Variants in CA10 observed in about 807,000 individuals in gnomAD.
The protein encoded by CA10 is carbonic anhydrase-related protein 10.
In CA10, 14 loss-of-function variants were observed where a neutral mutation model predicts 44.2. The observed-to-expected ratio is 0.32, with a 90% CI of 0.21 to 0.50. The LOEUF (loss-of-function observed/expected upper bound fraction) is 0.50, where lower values mean the gene tolerates loss of function less well. CA10 is among the 20% of genes least tolerant of loss of function. The pLI, the probability that CA10 is intolerant of heterozygous loss-of-function variation, is 0.99. For synonymous variants in CA10, 159 were observed against 141.6 expected (o/e 1.12, Z -0.87); for missense variants, 350 against 409.7 (o/e 0.85, Z 1.26).
intron 3 of CA10, among the ~76,000 whole-genome samples, chr17:51,858,750 C>T (rs541831745): frequency 6.6e-6 from 1 of 152,304 alleles, no homozygotes; most frequent in East Asian, 1.9e-4. Flanking sequence ...TTGTGCAAAC[C>T]TACTGAGAGA....
chr17:51,673,441 C>A (rs1249081874), intron 4 of CA10, among the ~76,000 whole-genome samples: 8 of 152,162 alleles, frequency 5.3e-5, no homozygotes, highest in African/African-American at 1.4e-4. Flanking sequence ...TTCCTTCATC[C>A]CCTCTAACAT....
At chr17:51,750,737 G>A (rs1804239058) in intron 3 of CA10, among the ~76,000 whole-genome samples, 1 of 152,180 alleles carries the variant, frequency 6.6e-6, no homozygotes, top group South Asian at 2.1e-4. Flanking sequence ...ATTCAATCTA[G>A]TGACATTCTG....
At chr17:51,979,502 C>T (rs1291601930) in intron 2 of CA10, among the ~76,000 whole-genome samples, 1 of 152,008 alleles carries the variant, frequency 6.6e-6, no homozygotes, top group Admixed American at 6.6e-5. Context: ...TCAAATAGAC[C>T]CCAGTGCCTG....
chr17:51,814,997 C>T lies in CA10; in HGVS notation c.280-67179G>A, dbSNP rs1371597143. The stretch of plus-strand genomic sequence containing the variant: ...AAAGGTGTAGTGAAATTTCTGGTGT[C>T]TTGTTGGCTTTTCTTTCTGAGTTGC... On this transcript the variant is annotated intron_variant, in intron 3 of 8. Coordinates refer to ENST00000451037, the MANE Select transcript of CA10 (RefSeq NM_020178.5). Among the ~76,000 whole-genome samples the T allele has an allele frequency of 2.0e-5, 3 of 152,264 alleles. No homozygotes were observed. The East Asian group carries it at 5.8e-4, about 29-fold the overall frequency.
intron 3 of CA10, among the ~76,000 whole-genome samples, chr17:51,926,657 TCC>T (rs1044540006): frequency 6.6e-6 from 1 of 152,316 alleles, no homozygotes; most frequent in African/African-American, 2.4e-5. Context: ...CCTGTGTCAC[TCC>T]GACCTCTGCT....
chr17:51,810,253 T>C (rs1907307018), intron 3 of CA10, among the ~76,000 whole-genome samples: 1 of 152,248 alleles, frequency 6.6e-6, no homozygotes, highest in Non-Finnish European at 1.5e-5. Context: ...AGGAACCATG[T>C]CTGTCTGATT....
At chr17:51,903,881 T>A (rs571170710) in intron 3 of CA10, among the ~76,000 whole-genome samples, 1 of 152,236 alleles carries the variant, frequency 6.6e-6, no homozygotes, top group African/African-American at 2.4e-5. Flanking sequence ...CTTTCTTGGA[T>A]AATCAGAAAT....
At chr17:51,873,997 A>G (rs1245446720) in intron 3 of CA10, among the ~76,000 whole-genome samples, 1 of 152,206 alleles carries the variant, frequency 6.6e-6, no homozygotes, top group Non-Finnish European at 1.5e-5. Flanking sequence ...TTCTTAATAA[A>G]TCTGAGTTCC....
intron 4 of CA10, among the ~76,000 whole-genome samples, chr17:51,725,024 A>G (rs948980498): frequency 1.3e-5 from 2 of 152,226 alleles, no homozygotes; most frequent in African/African-American, 4.8e-5. Flanking sequence ...ATGAGCCAGC[A>G]AAAAAGGAAT....
At chr17:51,728,159 G>C (rs1916591987) in intron 4 of CA10, among the ~76,000 whole-genome samples, 1 of 151,862 alleles carries the variant, frequency 6.6e-6, no homozygotes, top group Non-Finnish European at 1.5e-5. Context: ...AAAATTTCTG[G>C]GATTATAGGT....
chr17:52,118,353 ATG>A (rs1988942422), intron 1 of CA10, among the ~76,000 whole-genome samples: 1 of 152,200 alleles, frequency 6.6e-6, no homozygotes, highest in Admixed American at 6.5e-5. Context: ...TTCCCTGTTA[ATG>A]AGTAAAGATT....
At chr17:51,820,171 T>C (rs1907710735) in intron 3 of CA10, among the ~76,000 whole-genome samples, 2 of 145,384 alleles carry the variant, frequency 1.4e-5, no homozygotes, top group Admixed American at 6.9e-5. Flanking sequence ...CTCCAGAACA[T>C]GAACCTGAGC....
At chr17:51,664,831 T>C (rs1914151396) in intron 4 of CA10, among the ~76,000 whole-genome samples, 1 of 152,218 alleles carries the variant, frequency 6.6e-6, no homozygotes, top group South Asian at 2.1e-4. Context: ...GCTTCACTGG[T>C]ATAGATATAA....
intron 1 of CA10, chr17:52,134,956 A>G (rs1362904810): frequency 1.9e-6 from 1 of 518,912 alleles, no homozygotes; most frequent in South Asian, 1.4e-5. Context: ...GATGCTGGCC[A>G]TTGCTCTCCA....
At chr17:52,076,078 A>G (rs1987810704) in intron 1 of CA10, among the ~76,000 whole-genome samples, 1 of 152,192 alleles carries the variant, frequency 6.6e-6, no homozygotes, top group Non-Finnish European at 1.5e-5. Flanking sequence ...ATAAAACCTG[A>G]GTAAGATGAC....
chr17:52,115,273 G>C lies in CA10; in HGVS notation c.61+42453C>G, dbSNP rs553161945. 9.8e-5 allele frequency among the ~76,000 whole-genome samples: 15 copies of C among 152,316 alleles called. No homozygotes were observed. In the South Asian group the frequency reaches 2.1e-3, roughly 21 times the overall value. ...ACTTTCCTCACCCTTCAATGTGTCT[G>C]TGTGCCTAATTTTTCCTGGTCTTGA... On this transcript the variant is annotated intron_variant, in intron 1 of 8. Coordinates refer to ENST00000451037, the MANE Select transcript of CA10 (RefSeq NM_020178.5).
rs1159019265 is a variant in CA10 at position 51,631,618 on chromosome 17, G to C, written c.965-12C>G. ...GAGCCATTCATTTACTGCAAAGAGA[G>C]AGAAAGAAAAAAAAAATCACACATA... On this transcript the variant is annotated splice_polypyrimidine_tract_variant and intron_variant, in intron 8 of 8. Coordinates refer to ENST00000451037, the MANE Select transcript of CA10 (RefSeq NM_020178.5). The C allele has an allele frequency of 6.2e-7, 1 of 1,606,650 alleles. No individual in the cohort carries two copies. Among genetic ancestry groups the C allele is most frequent in the South Asian group, 1.1e-5 (1 of 90,472 alleles).
intron 3 of CA10, among the ~76,000 whole-genome samples, chr17:51,849,209 A>G (rs3932204): frequency 0.19 from 7,626 of 40,902 alleles, 537 homozygotes; most frequent in Non-Finnish European, 0.23. Flanking sequence ...ATATATGTAT[A>G]TATATATATA....
intron 4 of CA10, among the ~76,000 whole-genome samples, chr17:51,744,086 G>A (rs192165771): frequency 3.9e-5 from 6 of 152,264 alleles, no homozygotes; most frequent in African/African-American, 7.2e-5. Context: ...TCGGGAGGCC[G>A]AGGTGGGCAG....
Sources: allele counts gnomAD v4.1 joint callset (sites outside exome capture counted in the v4.1 genomes callset), GRCh38; gene constraint gnomAD v4.1.1; transcripts MANE v1.5; gene names NCBI Gene and HGNC (gene_info 2026-07-23, HGNC 2026-07-21).